VTCN1: variants seen among roughly 807,000 people sequenced by gnomAD.
VTCN1 encodes V-set domain containing T cell activation inhibitor 1, also known as V-set domain-containing T-cell activation inhibitor 1.
Under a neutral mutation model 26.5 loss-of-function variants are expected in VTCN1, and 26 were observed. The observed-to-expected ratio is 0.98, with a 90% CI of 0.72 to 1.36. The LOEUF (loss-of-function observed/expected upper bound fraction) is 1.36. Ranked by LOEUF, VTCN1 falls within the 40% of genes most tolerant of loss-of-function variation. The probability of loss-of-function intolerance (pLI) is 0.00; values close to 1 mark genes in which losing one functional copy is unlikely to be tolerated. For missense variants in VTCN1, 298 were observed against 337.7 expected (o/e 0.88, Z 0.92); for synonymous variants, 116 against 130.7 (o/e 0.89, Z 0.77).
intron 1 of VTCN1, among the ~76,000 whole-genome samples, chr1:117,185,997 T>C (rs1647924960): frequency 6.6e-6 from 1 of 152,208 alleles, no homozygotes; most frequent in Non-Finnish European, 1.5e-5. Flanking sequence ...GGCACATCCT[T>C]AACTTTGGCA....
intron 1 of VTCN1, among the ~76,000 whole-genome samples, chr1:117,178,473 G>C (rs1647491583): frequency 6.6e-6 from 1 of 151,208 alleles, no homozygotes; most frequent in Non-Finnish European, 1.5e-5. Context: ...GGCCAGTCTG[G>C]TCTCAAATTC....
chr1:117,177,096 T>C (rs1647395884), intron 1 of VTCN1, among the ~76,000 whole-genome samples: 2 of 151,914 alleles, frequency 1.3e-5, no homozygotes, highest in Admixed American at 1.3e-4. Flanking sequence ...AAGACTCCAT[T>C]TCAAAAAAAC....
chr1:117,191,926 T>C (rs2101580460), intron 1 of VTCN1, among the ~76,000 whole-genome samples: 1 of 152,156 alleles, frequency 6.6e-6, no homozygotes, highest in South Asian at 2.1e-4. Context: ...ACTGAACTCC[T>C]GTTCTCCAGC....
intron 2 of VTCN1, among the ~76,000 whole-genome samples, chr1:117,163,506 C>T (rs1016105742): frequency 6.6e-6 from 1 of 152,074 alleles, no homozygotes; most frequent in Non-Finnish European, 1.5e-5. Context: ...CAGATCAGAG[C>T]CCCAGGAGGT....
intron 1 of VTCN1, among the ~76,000 whole-genome samples, chr1:117,193,009 TGGAA>T (rs1648321449): frequency 6.6e-6 from 1 of 152,000 alleles, no homozygotes; most frequent in East Asian, 1.9e-4. Context: ...GCAATAACAA[TGGAA>T]ATAAGAATAA....
At chr1:117,173,127 G>GCAAACAACTCCGGAA (rs1653012273) in intron 1 of VTCN1, 11 of 712,722 alleles carry the variant, frequency 1.5e-5, no homozygotes, top group Admixed American at 8.0e-5. Context: ...ACAGGGAGGA[G>GCAAACAACTCCGGAA]CAAACAACTC....
intron 2 of VTCN1, among the ~76,000 whole-genome samples, chr1:117,164,211 T>C (rs1215324009): frequency 6.6e-6 from 1 of 152,060 alleles, no homozygotes; most frequent in Non-Finnish European, 1.5e-5. Flanking sequence ...GCAGCTTAGA[T>C]ATGGGAGATG....
chr1:117,207,821 T>C (rs1571000005), intron 1 of VTCN1, among the ~76,000 whole-genome samples: 2 of 152,206 alleles, frequency 1.3e-5, no homozygotes, highest in African/African-American at 4.8e-5. Context: ...CCTCCAATCA[T>C]TGATCAAATA....
intron 2 of VTCN1, among the ~76,000 whole-genome samples, chr1:117,157,430 G>T (rs10923211): frequency 0.041 from 6,209 of 152,100 alleles, 194 homozygotes; most frequent in Non-Finnish European, 0.063. Flanking sequence ...GAGGCAAAAG[G>T]CACTTCTTAC....
chr1:117,144,752 C>A lies in VTCN1; in HGVS notation c.*519G>T, dbSNP rs554674453. The A allele has an allele frequency of 1.3e-4, 20 of 152,728 alleles. No homozygotes were observed. In the South Asian group the frequency reaches 3.9e-3, roughly 30 times the overall value. The allele number at this position is 152,728 out of a possible 1,614,324, so 9.5% of individuals were successfully genotyped here. A position where few individuals can be genotyped will look rare whatever the true frequency, so the allele number is the denominator to read the frequency against. On this transcript the variant is annotated 3_prime_UTR_variant, in exon 6 of 6. Coordinates refer to ENST00000369458, the MANE Select transcript of VTCN1 (RefSeq NM_024626.4). The stretch of plus-strand genomic sequence containing the variant: ...TTGACCCATTACTAAAATGCAGCCG[C>A]CCCTGAGTTGCGAAGTGGCAGTCAA...
chr1:117,161,505 T>C lies in VTCN1; in HGVS notation c.98-4584A>G, dbSNP rs1652368762. Among the ~76,000 whole-genome samples, 1 of 152,224 alleles carries C rather than the reference T, an allele frequency of 6.6e-6. No individual in the cohort carries two copies. The highest frequency in any genetic ancestry group is 6.5e-5 in the Admixed American group (1 of 15,286). On this transcript the variant is annotated intron_variant, in intron 2 of 5. Transcript: ENST00000369458. This position sits in a 1 kb window ranked among gnomAD's most constrained non-coding sequence, Gnocchi z 4.3. ...CTGTCTCCCTCTACCTGGTCTCTAA[T>C]CTATCTCTGGAACTAGTTTGTGAGC... is the stretch of plus-strand genomic sequence containing the variant.
intron 3 of VTCN1, 82 bp downstream of exon 3, chr1:117,156,492 A>G (rs2101466316): frequency 7.2e-7 from 1 of 1,385,718 alleles, no homozygotes. Flanking sequence ...TATTGGTCAC[A>G]ACATATTTCA....
Position 117,167,998 on chromosome 1 carries a change from AAGAG to A in VTCN1, c.97+2105_97+2108del, listed in dbSNP as rs923998482. ...AAAGAGAGAAGACTAGAGAGAAAGA[AAGAG>A]AGAAAAAAAACCGAAATTATGAACA... On this transcript the variant is annotated intron_variant, in intron 2 of 5. Transcript: ENST00000369458. This position sits in a 1 kb window ranked among gnomAD's most constrained non-coding sequence, Gnocchi z 4.1. Among the ~76,000 whole-genome samples the A allele has an allele frequency of 6.6e-6, 1 of 152,106 alleles. No individual in the cohort carries two copies. Among genetic ancestry groups the A allele is most frequent in the African/African-American group, 2.4e-5 (1 of 41,430 alleles).
rs923086698 is a variant in VTCN1, at chr1:117,183,205, C to T, written c.33-13034G>A. Among the ~76,000 whole-genome samples, 9 of 152,206 alleles carry T rather than the reference C, an allele frequency of 5.9e-5. No individual in the cohort carries two copies. The highest frequency in any genetic ancestry group is 2.0e-4 in the Admixed American group (3 of 15,278). On this transcript the variant is annotated intron_variant, in intron 1 of 5. Coordinates refer to ENST00000369458, the MANE Select transcript of VTCN1 (RefSeq NM_024626.4). This position sits in a 1 kb window ranked among gnomAD's most constrained non-coding sequence, Gnocchi z 4.1. The stretch of plus-strand genomic sequence containing the variant: ...CTAAACCACTCTGGGTCCCTGACTA[C>T]GCCAGGCTGCTTCTTGCCTCCATGC...
At chr1:117,152,409 G>C (rs1443417341) in intron 4 of VTCN1, among the ~76,000 whole-genome samples, 3 of 152,116 alleles carry the variant, frequency 2.0e-5, no homozygotes, top group Admixed American at 6.5e-5. Context: ...CAGGAAGGAT[G>C]GTCTTAAAAG....
At chr1:117,168,623 A>G (rs554141040) in intron 2 of VTCN1, among the ~76,000 whole-genome samples, 1 of 152,364 alleles carries the variant, frequency 6.6e-6, no homozygotes, top group African/African-American at 2.4e-5. Context: ...AGCAAAGTGT[A>G]GAGTAGAAGA....
chr1:117,145,950 A>G lies in VTCN1; in HGVS notation c.*46-725T>C, dbSNP rs1651483039. Among the ~76,000 whole-genome samples, 1 of 152,160 alleles carries G rather than the reference A, an allele frequency of 6.6e-6. No homozygotes were observed. Among genetic ancestry groups the G allele is most frequent in the East Asian group, 1.9e-4 (1 of 5,184 alleles). On this transcript the variant is annotated intron_variant, in intron 5 of 5. Transcript: ENST00000369458. This position sits in a 1 kb window ranked among gnomAD's most constrained non-coding sequence, Gnocchi z 4.6. ...TGCCCAGCCTTACTCATTTACTTTA[A>G]AAAATCTACTTGATTTATGGTTATT... is the stretch of plus-strand genomic sequence containing the variant.
chr1:117,193,005 A>T (rs1648321080), intron 1 of VTCN1, among the ~76,000 whole-genome samples: 1 of 152,182 alleles, frequency 6.6e-6, no homozygotes, highest in Non-Finnish European at 1.5e-5. Context: ...CACAGCAATA[A>T]CAATGGAAAT....
At chr1:117,154,013 G>C (rs1184028831) in intron 3 of VTCN1, among the ~76,000 whole-genome samples, 1 of 152,188 alleles carries the variant, frequency 6.6e-6, no homozygotes, top group East Asian at 1.9e-4. Flanking sequence ...CAGGCAGAGA[G>C]ACAGTTGTGG....
Sources: gnomAD v4.1 joint callset for allele counts (sites outside exome capture counted in the v4.1 genomes callset) on GRCh38, gnomAD v4.1.1 for gene constraint, Gnocchi (gnomAD v3.1) non-coding constraint, MANE v1.5 for transcripts, NCBI Gene and HGNC (gene_info 2026-07-23, HGNC 2026-07-21) for gene names.